SHISA9: variants seen among roughly 807,000 people sequenced by gnomAD.
SHISA9 encodes the protein protein shisa-9.
SHISA9 carries 13 observed loss-of-function variants against 38.0 expected under a neutral mutation model. The ratio of observed to expected loss-of-function variants is 0.34; its 90% confidence interval spans 0.22 to 0.54. SHISA9 has a LOEUF of 0.54. Among genes scored for constraint, SHISA9 ranks in the 20% least tolerant of loss-of-function variants. SHISA9 has a pLI of 0.91. For synonymous variants in SHISA9, 275 were observed against 242.0 expected (o/e 1.14, Z -1.27); for missense variants, 538 against 575.8 (o/e 0.93, Z 0.67).
chr16:13,357,823 T>G, the SHISA9 span, among the ~76,000 whole-genome samples: 1 of 146,762 alleles, frequency 6.8e-6, no homozygotes. Context: ...AGGTGCTCAG[T>G]GGGGGTGCTT....
chr16:13,008,668 TC>T (rs1567179947), intron 2 of SHISA9, among the ~76,000 whole-genome samples: 1 of 65,802 alleles, frequency 1.5e-5, no homozygotes, highest in Admixed American at 2.0e-4. Flanking sequence ...CCTCCCTTCC[TC>T]CCTCCCTCCC....
the SHISA9 span, among the ~76,000 whole-genome samples, chr16:13,414,612 G>A: frequency 6.8e-6 from 1 of 147,750 alleles, no homozygotes; most frequent in South Asian, 2.2e-4. Flanking sequence ...TAATTACCAT[G>A]TTCGTTCGTT....
At chr16:13,068,011 C>T (rs145839918) in intron 2 of SHISA9, among the ~76,000 whole-genome samples, 33 of 152,310 alleles carry the variant, frequency 2.2e-4, no homozygotes, top group African/African-American at 4.6e-4. Flanking sequence ...AGTCAGTTTC[C>T]GGCTGGCTGG....
At chr16:12,923,200 G>A (rs2071349636) in intron 2 of SHISA9, among the ~76,000 whole-genome samples, 1 of 152,166 alleles carries the variant, frequency 6.6e-6, no homozygotes, top group Non-Finnish European at 1.5e-5. Context: ...CTACCATGAT[G>A]ACTGAGGTTT....
At chr16:13,143,631 C>T (rs921617934) in intron 2 of SHISA9, among the ~76,000 whole-genome samples, 3 of 152,164 alleles carry the variant, frequency 2.0e-5, no homozygotes, top group African/African-American at 7.2e-5. Context: ...TATAAACCAT[C>T]ATGCAAATAT....
the SHISA9 span, among the ~76,000 whole-genome samples, chr16:13,558,167 T>C: frequency 6.6e-6 from 1 of 152,248 alleles, no homozygotes; most frequent in Non-Finnish European, 1.5e-5. Flanking sequence ...CCGAGTTTGC[T>C]GTGTGATCTT....
At chr16:13,292,327 A>G in the SHISA9 span, among the ~76,000 whole-genome samples, 7 of 152,232 alleles carry the variant, frequency 4.6e-5, no homozygotes, top group South Asian at 1.5e-3. Flanking sequence ...ATCCTGAAAC[A>G]GAGGAGTTGG....
At chr16:13,037,793 A>G (rs1156376834) in intron 2 of SHISA9, among the ~76,000 whole-genome samples, 1 of 152,142 alleles carries the variant, frequency 6.6e-6, no homozygotes, top group Non-Finnish European at 1.5e-5. Context: ...CTTCTCTCAA[A>G]TGGGCTAAAC....
At position 13,198,580 on chromosome 16, in the gene SHISA9, A is replaced by AT. The variant is rs143493481; in HGVS notation, c.692-4805dup. Among the ~76,000 whole-genome samples the AT allele has an allele frequency of 4.4e-3, 669 of 151,228 alleles. 3 individuals carry two copies. Among genetic ancestry groups the AT allele is most frequent in the Middle Eastern group, 6.8e-3 (2 of 294 alleles). Reference sequence around the variant, plus strand: ...CAACCTGGGCTTATCTCCAATCTGCATTTTTTTTTGTTTCTCCTCCCTAGC... The same window carrying AT: ...CAACCTGGGCTTATCTCCAATCTGCATTTTTTTTTTGTTTCTCCTCCCTAGC... On this transcript the variant is annotated intron_variant, in intron 2 of 4. Coordinates refer to ENST00000558583, the MANE Select transcript of SHISA9 (RefSeq NM_001145204.3).
intron 2 of SHISA9, among the ~76,000 whole-genome samples, chr16:12,935,580 G>T (rs992299126): frequency 2.4e-4 from 37 of 152,170 alleles, no homozygotes; most frequent in African/African-American, 8.9e-4. Context: ...GGGCCCAGGG[G>T]CTCACGCTGG....
chr16:13,316,426 C>T, the SHISA9 span, among the ~76,000 whole-genome samples: 2 of 152,176 alleles, frequency 1.3e-5, no homozygotes, highest in Admixed American at 6.5e-5. Flanking sequence ...AGTCCAAGTG[C>T]TCAAATGCAC....
At chr16:13,331,252 G>A in the SHISA9 span, 8 of 152,224 alleles carry the variant, frequency 5.3e-5, no homozygotes, top group African/African-American at 1.7e-4. Flanking sequence ...CTAGGCAGGT[G>A]GGGGAGCCCT....
chr16:13,171,353 A>C lies in SHISA9; in HGVS notation c.692-32041A>C, dbSNP rs188928532. On this transcript the variant is annotated intron_variant, in intron 2 of 4. Transcript: ENST00000558583. ...AACATCCAAACCATATCAGGCTTCT[A>C]GTTCATGGAAAGCTACACATTAATC... Among the ~76,000 whole-genome samples, 16 of 152,300 alleles carry C rather than the reference A, an allele frequency of 1.1e-4. 2 individuals carry two copies. Among genetic ancestry groups the C allele is most frequent in the African/African-American group, 3.8e-4 (16 of 41,574 alleles).
the SHISA9 span, among the ~76,000 whole-genome samples, chr16:13,282,561 TTAAAAA>T: frequency 5.3e-5 from 8 of 152,234 alleles, no homozygotes; most frequent in South Asian, 6.2e-4. Context: ...CTATTACTTC[TTAAAAA>T]TAAATATTTT....
At chr16:13,415,626 A>C in the SHISA9 span, among the ~76,000 whole-genome samples, 1 of 152,208 alleles carries the variant, frequency 6.6e-6, no homozygotes, top group Non-Finnish European at 1.5e-5. Flanking sequence ...ATCACATGAC[A>C]AAAAGGAATG....
chr16:13,143,737 T>A (rs2050422912), intron 2 of SHISA9, among the ~76,000 whole-genome samples: 1 of 152,242 alleles, frequency 6.6e-6, no homozygotes, highest in Non-Finnish European at 1.5e-5. Context: ...GGAAGCTACA[T>A]TACAATCCCT....
At chr16:13,562,960 C>T in the SHISA9 span, 1 of 151,918 alleles carries the variant, frequency 6.6e-6, no homozygotes, top group African/African-American at 2.4e-5. Flanking sequence ...CTGCAGAACA[C>T]TCGTTTGGTG....
At chr16:13,144,758 A>C (rs1041525625) in intron 2 of SHISA9, among the ~76,000 whole-genome samples, 1 of 152,192 alleles carries the variant, frequency 6.6e-6, no homozygotes, top group Non-Finnish European at 1.5e-5. Flanking sequence ...AATGGAGGGC[A>C]GCGGAAGCCG....
the SHISA9 span, among the ~76,000 whole-genome samples, chr16:13,290,335 G>T: frequency 6.6e-6 from 1 of 152,106 alleles, no homozygotes; most frequent in East Asian, 1.9e-4. Context: ...ACACTTTCCT[G>T]AATTGGATCT....
Sources: gnomAD v4.1 joint callset for allele counts (sites outside exome capture counted in the v4.1 genomes callset) on GRCh38, gnomAD v4.1.1 for gene constraint, MANE v1.5 for transcripts, NCBI Gene and HGNC (gene_info 2026-07-23, HGNC 2026-07-21) for gene names.